Variants in CLYBL observed in about 807,000 individuals in gnomAD.
CLYBL encodes citramalyl-CoA lyase, also known as citramalyl-CoA lyase, mitochondrial.
CLYBL carries 31 observed loss-of-function variants against 38.9 expected under a neutral mutation model. The observed-to-expected ratio is 0.80, with a 90% CI of 0.60 to 1.08. CLYBL has a LOEUF of 1.08. Among genes scored for constraint, CLYBL ranks in the 50% least tolerant of loss-of-function variants. The pLI, the probability that CLYBL is intolerant of heterozygous loss-of-function variation, is 0.00. For missense variants in CLYBL, 434 were observed against 411.6 expected (o/e 1.05, Z -0.47); for synonymous variants, 171 against 158.6 (o/e 1.08, Z -0.59).
At chr13:99,713,072 C>G in intron 1 of CLYBL, among the ~76,000 whole-genome samples, 1 of 152,108 alleles carries the variant, frequency 6.6e-6, no homozygotes, top group East Asian at 1.9e-4. Context: ...GCATTGCTCC[C>G]TTTTTTGCTT....
At chr13:99,837,805 A>T (rs991474834) in intron 2 of CLYBL, among the ~76,000 whole-genome samples, 1 of 152,150 alleles carries the variant, frequency 6.6e-6, no homozygotes, top group African/African-American at 2.4e-5. Context: ...CTTTAGAAGC[A>T]CGTGTCCGAG....
chr13:99,633,724 A>G (rs1458743898), intron 1 of CLYBL, among the ~76,000 whole-genome samples: 1 of 152,116 alleles, frequency 6.6e-6, no homozygotes, highest in East Asian at 1.9e-4. Context: ...AATGGTGAAA[A>G]TTGTGAATTT....
At chr13:99,698,127 G>A (rs926179520) in intron 1 of CLYBL, among the ~76,000 whole-genome samples, 4 of 152,190 alleles carry the variant, frequency 2.6e-5, no homozygotes, top group African/African-American at 9.6e-5. Flanking sequence ...CAACACATAT[G>A]TGTTTTCATG....
intron 1 of CLYBL, among the ~76,000 whole-genome samples, chr13:99,612,264 T>C (rs2046637376): frequency 6.6e-6 from 1 of 152,158 alleles, no homozygotes; most frequent in African/African-American, 2.4e-5. Flanking sequence ...CTTTTTTTTG[T>C]TTTCTATTTC....
intron 4 of CLYBL, among the ~76,000 whole-genome samples, chr13:99,863,760 T>A (rs2051669246): frequency 6.6e-6 from 1 of 152,220 alleles, no homozygotes; most frequent in South Asian, 2.1e-4. Flanking sequence ...ATGCCTCTCA[T>A]TCCACCTGAC....
rs1227862463 is a variant in CLYBL at position 99,858,971 on chromosome 13, A to G, written c.360A>G (p.Leu120=). ...SVSSGLAEED[L]ETLLQSRVLP... is the part of the protein sequence containing the mutation. ...CCAGTGGTCTGGCGGAAGAAGACCT[A>G]GAGACCCTTTTGCAATCCCGGGTCC... The change falls in exon 3 of 9, where the codon CTA becomes CTG. Residue 120 remains leucine (L), a synonymous_variant. Transcript: ENST00000339105. 2 of 1,614,016 alleles carry G rather than the reference A, an allele frequency of 1.2e-6. No homozygotes were observed. The highest frequency in any genetic ancestry group is 1.1e-5 in the South Asian group (1 of 91,076).
At chr13:99,820,770 C>T (rs949326763) in intron 2 of CLYBL, among the ~76,000 whole-genome samples, 3 of 152,112 alleles carry the variant, frequency 2.0e-5, no homozygotes, top group Non-Finnish European at 2.9e-5. Flanking sequence ...ATTAGAGGAG[C>T]GGAAGGAGCT....
At chr13:99,625,300 G>A (rs2763949) in intron 1 of CLYBL, among the ~76,000 whole-genome samples, 59,613 of 151,946 alleles carry the variant, frequency 0.39, 12,023 homozygotes, top group Middle Eastern at 0.42. Context: ...TTTTTTCTGT[G>A]GGAACCACTA....
chr13:99,825,498 C>G (rs1004366642), intron 2 of CLYBL, among the ~76,000 whole-genome samples: 16 of 152,034 alleles, frequency 1.1e-4, no homozygotes, highest in Non-Finnish European at 2.4e-4. Context: ...TGGCTTAGTC[C>G]CCTTTTTTAT....
intron 1 of CLYBL, among the ~76,000 whole-genome samples, chr13:99,718,310 G>T (rs576509317): frequency 4.6e-5 from 7 of 151,028 alleles, no homozygotes; most frequent in African/African-American, 1.7e-4. Context: ...CAGGTGCCAA[G>T]TTCCAGCCTC....
At chr13:99,824,921 G>A (rs1005353076) in intron 2 of CLYBL, among the ~76,000 whole-genome samples, 1 of 150,852 alleles carries the variant, frequency 6.6e-6, no homozygotes, top group Admixed American at 6.6e-5. Context: ...TATGGAATAG[G>A]TTCACATCCT....
chr13:99,707,651 C>T lies in CLYBL; in HGVS notation c.63-65173C>T, dbSNP rs540620063. Among the ~76,000 whole-genome samples the T allele has an allele frequency of 3.3e-5, 5 of 152,292 alleles. No homozygotes were observed. In the South Asian group the frequency reaches 1.0e-3, roughly 32 times the overall value. ...ATTAAAAAGTTTGAAACACTAGTTA[C>T]TAGAAACAGTTCTCTCTGTAATGAC... On this transcript the variant is annotated intron_variant, in intron 1 of 8. Transcript: ENST00000339105.
intron 1 of CLYBL, among the ~76,000 whole-genome samples, chr13:99,610,916 C>T (rs2046616401): frequency 6.6e-6 from 1 of 152,152 alleles, no homozygotes. Context: ...GGACAAATGC[C>T]CTCCGGGAAA....
intron 2 of CLYBL, among the ~76,000 whole-genome samples, chr13:99,844,958 T>C (rs910265193): frequency 6.6e-6 from 1 of 152,240 alleles, no homozygotes; most frequent in African/African-American, 2.4e-5. Flanking sequence ...TTATGTTTTT[T>C]AAAAATCCTT....
At chr13:99,660,377 GTGA>G (rs2047391919) in intron 1 of CLYBL, among the ~76,000 whole-genome samples, 1 of 152,158 alleles carries the variant, frequency 6.6e-6, no homozygotes, top group Non-Finnish European at 1.5e-5. Context: ...AAAACGTGTG[GTGA>G]TTGATGCTTT....
At chr13:99,634,209 G>A (rs530571666) in intron 1 of CLYBL, among the ~76,000 whole-genome samples, 47 of 152,278 alleles carry the variant, frequency 3.1e-4, no homozygotes, top group African/African-American at 8.7e-4. Flanking sequence ...GAAGGTAAAC[G>A]TATTGAAAGA....
chr13:99,818,709 G>T (rs1478082564), intron 2 of CLYBL, among the ~76,000 whole-genome samples: 1 of 152,170 alleles, frequency 6.6e-6, no homozygotes, highest in African/African-American at 2.4e-5. Flanking sequence ...TTGAAATGTG[G>T]TGTGTGTAAA....
intron 1 of CLYBL, among the ~76,000 whole-genome samples, chr13:99,665,616 G>A (rs2047469539): frequency 6.6e-6 from 1 of 151,764 alleles, no homozygotes; most frequent in Non-Finnish European, 1.5e-5. Flanking sequence ...ACTCCTCTGG[G>A]GAAATAATCA....
intron 2 of CLYBL, among the ~76,000 whole-genome samples, chr13:99,784,786 A>T (rs1032393999): frequency 6.6e-6 from 1 of 152,112 alleles, no homozygotes; most frequent in Non-Finnish European, 1.5e-5. Flanking sequence ...GAGCCCAAAA[A>T]TGCATTAAAA....
Sources: gnomAD v4.1 joint callset for allele counts (sites outside exome capture counted in the v4.1 genomes callset) on GRCh38, gnomAD v4.1.1 for gene constraint, MANE v1.5 for transcripts, NCBI Gene and HGNC (gene_info 2026-07-23, HGNC 2026-07-21) for gene names.